The following PCED1B variants were observed in gnomAD, a reference collection of about 807,000 sequenced individuals.
PCED1B encodes PC-esterase domain containing 1B, also known as PC-esterase domain-containing protein 1B.
For missense variants in PCED1B, 573 were observed against 573.9 expected, an observed-to-expected ratio of 1.00 and a Z score of 0.02; for synonymous variants, 251 against 246.1, an observed-to-expected ratio of 1.02 and a Z score of -0.19.
intron 2 of PCED1B, among the ~76,000 whole-genome samples, chr12:47,143,742 T>A (rs1325055287): frequency 2.0e-5 from 3 of 152,156 alleles, no homozygotes; most frequent in Non-Finnish European, 4.4e-5. Context: ...AATTTACTTG[T>A]AAACACAAAA....
At chr12:47,121,655 C>T (rs577639542) in intron 2 of PCED1B, among the ~76,000 whole-genome samples, 1 of 152,228 alleles carries the variant, frequency 6.6e-6, no homozygotes, top group African/African-American at 2.4e-5. Flanking sequence ...TTAGGAAGTT[C>T]CTGCTGATGG....
intron 2 of PCED1B, among the ~76,000 whole-genome samples, chr12:47,178,263 G>A (rs1425620471): frequency 6.6e-6 from 1 of 152,206 alleles, no homozygotes; most frequent in Non-Finnish European, 1.5e-5. Context: ...TTAGATGGCA[G>A]ACAGGCATCA....
intron 1 of PCED1B, among the ~76,000 whole-genome samples, chr12:47,098,665 G>C (rs1938579456): frequency 6.6e-6 from 1 of 152,102 alleles, no homozygotes; most frequent in African/African-American, 2.4e-5. Flanking sequence ...TCTATTTTTA[G>C]TAGAGATGGG....
chr12:47,196,152 G>T (rs1942596811), intron 2 of PCED1B, among the ~76,000 whole-genome samples: 1 of 152,312 alleles, frequency 6.6e-6, no homozygotes, highest in South Asian at 2.1e-4. Context: ...GTGTTTATGT[G>T]TGTAACTTTT....
At chr12:47,183,894 C>T (rs2137616484) in intron 2 of PCED1B, among the ~76,000 whole-genome samples, 1 of 152,326 alleles carries the variant, frequency 6.6e-6, no homozygotes, top group South Asian at 2.1e-4. Context: ...AGGGCCCCCG[C>T]ACCAGTTGGT....
In PCED1B at chr12:47,236,372, G is replaced by A; in HGVS notation, c.*10G>A. On this transcript the variant is annotated 3_prime_UTR_variant, in exon 4 of 4. Coordinates refer to ENST00000546455, the MANE Select transcript of PCED1B (RefSeq NM_138371.3). The stretch of plus-strand genomic sequence containing the variant: ...GCCAAGGCCTCAATAGACGGACCTA[G>A]GCCTTATTTCCTCTTTATGAACATG... 6.5e-7 allele frequency: 1 copy of A among 1,549,144 alleles called. No homozygotes were observed. The highest frequency in any genetic ancestry group is 1.2e-5 in the South Asian group (1 of 81,400).
chr12:47,099,012 T>A (rs1469401118), intron 1 of PCED1B, among the ~76,000 whole-genome samples: 1 of 152,134 alleles, frequency 6.6e-6, no homozygotes, highest in Non-Finnish European at 1.5e-5. Context: ...TTAATTTGAG[T>A]GAGATTCGAT....
chr12:47,201,386 G>A (rs1297428079), intron 2 of PCED1B, among the ~76,000 whole-genome samples: 1 of 152,126 alleles, frequency 6.6e-6, no homozygotes, highest in East Asian at 1.9e-4. Flanking sequence ...GCTTGCACAA[G>A]TTAAGTCCTT....
chr12:47,194,609 C>G (rs1171896538), intron 2 of PCED1B, among the ~76,000 whole-genome samples: 1 of 152,162 alleles, frequency 6.6e-6, no homozygotes, highest in East Asian at 1.9e-4. Flanking sequence ...CTTAGACTTT[C>G]AACAGTGAAG....
chr12:47,191,605 C>G (rs978272931), intron 2 of PCED1B, among the ~76,000 whole-genome samples: 7 of 152,156 alleles, frequency 4.6e-5, no homozygotes, highest in Non-Finnish European at 1.0e-4. Context: ...TCTCTCCACC[C>G]AGGACTTGGG....
intron 2 of PCED1B, among the ~76,000 whole-genome samples, chr12:47,198,984 G>T (rs1465696111): frequency 6.7e-6 from 1 of 150,134 alleles, no homozygotes; most frequent in Admixed American, 6.6e-5. Context: ...AAAAGAAAAA[G>T]AAAAAAGAAA....
At chr12:47,131,636 A>C (rs1457670610) in intron 2 of PCED1B, among the ~76,000 whole-genome samples, 2 of 148,942 alleles carry the variant, frequency 1.3e-5, no homozygotes, top group Non-Finnish European at 2.9e-5. Context: ...TTTATCCTGC[A>C]TCTTGATTGT....
chr12:47,134,524 C>T (rs1356425621), intron 2 of PCED1B, among the ~76,000 whole-genome samples: 2 of 152,162 alleles, frequency 1.3e-5, no homozygotes, highest in Non-Finnish European at 2.9e-5. Context: ...CCTCTCCCCA[C>T]CTGCATTGAC....
intron 2 of PCED1B, among the ~76,000 whole-genome samples, chr12:47,115,005 G>A (rs371809785): frequency 1.3e-5 from 2 of 152,078 alleles, no homozygotes; most frequent in Non-Finnish European, 2.9e-5. Context: ...AAATAATAAA[G>A]AACAAATACA....
intron 2 of PCED1B, among the ~76,000 whole-genome samples, chr12:47,202,613 A>G (rs991747953): frequency 7.0e-4 from 105 of 150,196 alleles, no homozygotes; most frequent in Non-Finnish European, 1.0e-3. Context: ...AAAAAAAAAA[A>G]AAAAAAGAAA....
rs11183731 is a variant in PCED1B at position 47,100,720 on chromosome 12, G to A, written c.-608-3393G>A. On this transcript the variant is annotated intron_variant, in intron 1 of 3. Transcript: ENST00000546455. ...GCCTTAAGAAAGACCAAACAGACTGGATTGTGGTAATAAGTCTATGTCTTC... is the reference window on the plus strand; with the variant it reads ...GCCTTAAGAAAGACCAAACAGACTGAATTGTGGTAATAAGTCTATGTCTTC... 4.9e-3 allele frequency among the ~76,000 whole-genome samples: 752 copies of A among 152,240 alleles called. 7 individuals are homozygous for A. The highest frequency in any genetic ancestry group is 0.01 in the Middle Eastern group (3 of 294).
Position 47,235,897 on chromosome 12 carries a change from G to T in PCED1B, c.834G>T (p.Pro278=). ...AACCTGGCCCGAGAGTCGAAGGGCC[G>T]CCCCAGGCCAACAGAAATCACCCGG... The part of the protein sequence containing the change: ...KKKPGPRVEG[P]PQANRNHPAL... Residue 278 remains proline (P), a synonymous_variant, in exon 4 of 4, where the codon CCG becomes CCT. Coordinates refer to ENST00000546455, the MANE Select transcript of PCED1B (RefSeq NM_138371.3). 6.3e-7 allele frequency: 1 copy of T among 1,599,562 alleles called. No individual in the cohort carries two copies. Among genetic ancestry groups the T allele is most frequent in the Non-Finnish European group, 8.5e-7 (1 of 1,173,282 alleles).
At chr12:47,214,920 G>GCT (rs1302522605) in intron 2 of PCED1B, among the ~76,000 whole-genome samples, 1 of 151,888 alleles carries the variant, frequency 6.6e-6, no homozygotes, top group Non-Finnish European at 1.5e-5. Flanking sequence ...ATGGAGTCTC[G>GCT]CTGTTGCCCA....
chr12:47,202,606 A>AG (rs1270644982), intron 2 of PCED1B, among the ~76,000 whole-genome samples: 9 of 151,046 alleles, frequency 6.0e-5, no homozygotes, highest in African/African-American at 2.2e-4. Context: ...AAAAAAAAAA[A>AG]AAAAAAAAAA....
Sources: gnomAD v4.1 joint callset for allele counts (sites outside exome capture counted in the v4.1 genomes callset) on GRCh38, gnomAD v4.1.1 for gene constraint, MANE v1.5 for transcripts, NCBI Gene and HGNC (gene_info 2026-07-23, HGNC 2026-07-21) for gene names.